GAS7: variants seen among roughly 807,000 people sequenced by gnomAD.
The protein encoded by GAS7 is growth arrest specific 7.
Under a neutral mutation model 71.1 loss-of-function variants are expected in GAS7, and 28 were observed. That is an observed-to-expected ratio of 0.39 (90% CI 0.29 to 0.54). The LOEUF is 0.54. Ranked by LOEUF, GAS7 falls within the 20% of genes least tolerant of loss-of-function variation. The pLI is 0.62. For synonymous variants in GAS7, 258 were observed against 245.8 expected, an observed-to-expected ratio of 1.05 and a Z score of -0.46; for missense variants, 436 against 627.8, an observed-to-expected ratio of 0.69 and a Z score of 3.27.
At chr17:10,048,120 G>A (rs1006234455) in intron 1 of GAS7, among the ~76,000 whole-genome samples, 14 of 152,178 alleles carry the variant, frequency 9.2e-5, no homozygotes, top group African/African-American at 3.4e-4. Context: ...TGGTGAACAT[G>A]GTGAAACCCT....
At chr17:10,152,659 A>C (rs2074175277) in intron 1 of GAS7, among the ~76,000 whole-genome samples, 1 of 152,196 alleles carries the variant, frequency 6.6e-6, no homozygotes, top group Non-Finnish European at 1.5e-5. Flanking sequence ...GCAAGATGGC[A>C]GAGGAGGAGA....
chr17:9,941,631 G>A (rs2068606801), intron 7 of GAS7, among the ~76,000 whole-genome samples: 1 of 152,230 alleles, frequency 6.6e-6, no homozygotes, highest in South Asian at 2.1e-4. Context: ...TCCTGAAATG[G>A]CAGTTTCCAA....
At chr17:10,047,909 C>T (rs149706062) in intron 1 of GAS7, among the ~76,000 whole-genome samples, 2,664 of 152,200 alleles carry the variant, frequency 0.018, 76 homozygotes, top group African/African-American at 0.061. Context: ...AAAAATATTC[C>T]ATTATTAAAG....
intron 5 of GAS7, among the ~76,000 whole-genome samples, chr17:9,954,343 A>G (rs1171206835): frequency 6.6e-6 from 1 of 152,092 alleles, no homozygotes; most frequent in East Asian, 1.9e-4. Context: ...GGGGCCACAG[A>G]AGCACCCTGC....
chr17:10,196,164 C>G (rs925414261), intron 1 of GAS7, among the ~76,000 whole-genome samples: 1 of 152,178 alleles, frequency 6.6e-6, no homozygotes, highest in African/African-American at 2.4e-5. Context: ...TTCGCTCACA[C>G]GCTGTTTGGC....
chr17:9,967,434 C>T (rs867513911), intron 4 of GAS7, among the ~76,000 whole-genome samples: 5 of 152,074 alleles, frequency 3.3e-5, no homozygotes, highest in Middle Eastern at 6.8e-3. Context: ...CCTCCCCAGG[C>T]GTGACAATCC....
intron 1 of GAS7, among the ~76,000 whole-genome samples, chr17:10,183,020 G>A (rs902506061): frequency 2.0e-4 from 31 of 152,110 alleles, no homozygotes; most frequent in Admixed American, 8.5e-4. Flanking sequence ...AATTAGCCCA[G>A]CCTGAGGAGC....
intron 2 of GAS7, among the ~76,000 whole-genome samples, chr17:9,986,309 C>T (rs2070646794): frequency 6.6e-6 from 1 of 152,206 alleles, no homozygotes; most frequent in South Asian, 2.1e-4. Context: ...GTCCCACCAG[C>T]TGATGTGCAG....
At chr17:10,019,753 G>C in intron 2 of GAS7, 24 bp downstream of exon 2, 1 of 1,605,696 alleles carries the variant, frequency 6.2e-7, no homozygotes, top group Non-Finnish European at 8.5e-7. Flanking sequence ...GTTGGTGCAG[G>C]ATTCTCCCCC....
chr17:10,188,456 A>T (rs1173434474), intron 1 of GAS7, among the ~76,000 whole-genome samples: 1 of 152,142 alleles, frequency 6.6e-6, no homozygotes, highest in Admixed American at 6.6e-5. Context: ...AATTTCTAGA[A>T]GTGGAATTGT....
intron 1 of GAS7, among the ~76,000 whole-genome samples, chr17:10,094,225 G>C (rs140534459): frequency 3.3e-5 from 5 of 152,344 alleles, no homozygotes; most frequent in Admixed American, 2.6e-4. Context: ...CTGAGCAGCT[G>C]TGCCCTGTGT....
intron 1 of GAS7, among the ~76,000 whole-genome samples, chr17:10,088,232 T>TAAC (rs1289054167): frequency 6.8e-6 from 1 of 146,550 alleles, no homozygotes; most frequent in Non-Finnish European, 1.5e-5. Flanking sequence ...ATAATAATAA[T>TAAC]AATAATAATA....
At chr17:10,015,828 T>G (rs1176526714) in intron 2 of GAS7, among the ~76,000 whole-genome samples, 1 of 152,072 alleles carries the variant, frequency 6.6e-6, no homozygotes, top group African/African-American at 2.4e-5. Context: ...ATCCTGCAGC[T>G]TCCTTCTCCA....
chr17:10,145,686 C>T (rs1358181170), intron 1 of GAS7, among the ~76,000 whole-genome samples: 1 of 152,158 alleles, frequency 6.6e-6, no homozygotes, highest in Non-Finnish European at 1.5e-5. Flanking sequence ...TGCTGCTGAA[C>T]GGACAGTATA....
intron 1 of GAS7, among the ~76,000 whole-genome samples, chr17:10,159,027 T>G (rs1340165246): frequency 8.4e-6 from 1 of 119,518 alleles, no homozygotes; most frequent in Non-Finnish European, 1.7e-5. Context: ...ACCACTGCAC[T>G]CCAGCGTGGA....
At chr17:10,117,606 T>A (rs1408846749) in intron 1 of GAS7, among the ~76,000 whole-genome samples, 2 of 152,134 alleles carry the variant, frequency 1.3e-5, no homozygotes, top group African/African-American at 4.8e-5. Flanking sequence ...GACCCAATTA[T>A]GTAGCACCTC....
intron 1 of GAS7, among the ~76,000 whole-genome samples, chr17:10,122,585 G>C (rs984076373): frequency 2.0e-4 from 31 of 152,132 alleles, no homozygotes; most frequent in Non-Finnish European, 3.7e-4. Context: ...CCATGAAGAG[G>C]GGGGTTGAAA....
intron 1 of GAS7, among the ~76,000 whole-genome samples, chr17:10,070,855 A>G (rs1473999357): frequency 6.6e-6 from 1 of 151,974 alleles, no homozygotes; most frequent in Non-Finnish European, 1.5e-5. Flanking sequence ...GGTGGTGGCG[A>G]AGGAAGAGCA....
chr17:10,159,542 AC>A (rs201227621), intron 1 of GAS7, among the ~76,000 whole-genome samples: 33 of 150,414 alleles, frequency 2.2e-4, no homozygotes, highest in African/African-American at 5.1e-4. Flanking sequence ...AGCCAGATGC[AC>A]CCCCCCCAAC....
Sources: gnomAD v4.1 joint callset for allele counts (sites outside exome capture counted in the v4.1 genomes callset) on GRCh38, gnomAD v4.1.1 for gene constraint, MANE v1.5 for transcripts, NCBI Gene and HGNC (gene_info 2026-07-23, HGNC 2026-07-21) for gene names.